PLXDC2: variants seen among roughly 807,000 people sequenced by gnomAD.
The protein encoded by PLXDC2 is plexin domain containing 2.
PLXDC2 carries 40 observed loss-of-function variants against 68.9 expected under a neutral mutation model. The observed-to-expected ratio is 0.58, with a 90% CI of 0.45 to 0.76. PLXDC2 has a LOEUF of 0.76. Ranked by LOEUF, PLXDC2 falls within the 30% of genes least tolerant of loss-of-function variation. The pLI, the probability that PLXDC2 is intolerant of heterozygous loss-of-function variation, is 0.00. For missense variants in PLXDC2, 644 were observed against 661.9 expected, an observed-to-expected ratio of 0.97 and a Z score of 0.30; for synonymous variants, 243 against 234.2, an observed-to-expected ratio of 1.04 and a Z score of -0.34.
intron 1 of PLXDC2, among the ~76,000 whole-genome samples, chr10:19,885,886 T>G (rs898646837): frequency 6.6e-6 from 1 of 152,074 alleles, no homozygotes; most frequent in Non-Finnish European, 1.5e-5. Flanking sequence ...TCCAATTCTG[T>G]GAAGAAAGTC....
chr10:19,880,832 A>G (rs1421578501), intron 1 of PLXDC2, among the ~76,000 whole-genome samples: 4 of 152,208 alleles, frequency 2.6e-5, no homozygotes, highest in Non-Finnish European at 5.9e-5. Flanking sequence ...CATTTAACAT[A>G]CTATAGGAAT....
chr10:19,902,843 G>C (rs1369405456), intron 1 of PLXDC2, among the ~76,000 whole-genome samples: 1 of 152,074 alleles, frequency 6.6e-6, no homozygotes, highest in African/African-American at 2.4e-5. Context: ...ATTCCCTTAA[G>C]GTATGTCCCT....
chr10:20,045,749 A>G (rs569300565), intron 2 of PLXDC2, among the ~76,000 whole-genome samples: 77 of 152,272 alleles, frequency 5.1e-4, no homozygotes, highest in African/African-American at 1.7e-3. Context: ...TACATCCCAA[A>G]CCTTATTATT....
At position 20,176,996 on chromosome 10, in the gene PLXDC2, TAGA is replaced by T. The variant is rs1425528755; in HGVS notation, c.884-2_884del. On this transcript the variant is annotated splice_acceptor_variant and coding_sequence_variant, in exon 8 of 14. Coordinates refer to ENST00000377252, the MANE Select transcript of PLXDC2 (RefSeq NM_032812.9). LOFTEE classifies it high-confidence loss of function. Reference sequence around the variant, plus strand: ...AATTGATTTTTTTTCCTTTTTTTTCTAGATGTTCGAAGAAGAACAATTTATGAA... The same window carrying T: ...AATTGATTTTTTTTCCTTTTTTTTCTTGTTCGAAGAAGAACAATTTATGAA... The T allele has an allele frequency of 6.3e-7, 1 of 1,583,816 alleles. No individual in the cohort carries two copies. Among genetic ancestry groups the T allele is most frequent in the Non-Finnish European group, 8.6e-7 (1 of 1,165,182 alleles).
chr10:20,059,622 A>G (rs1201309722), intron 3 of PLXDC2, among the ~76,000 whole-genome samples: 1 of 152,224 alleles, frequency 6.6e-6, no homozygotes, highest in African/African-American at 2.4e-5. Flanking sequence ...TTATTCTGAA[A>G]GAAGTAGCCA....
In PLXDC2 at chr10:20,143,449, T is replaced by C. The variant is rs1180771477; in HGVS notation, c.664+32T>C. On this transcript the variant is annotated intron_variant, in intron 5 of 13. Transcript: ENST00000377252. ...GTTGAGTAGCCTATTTTTTGCTGCATGTATATTTTTAAACCTCAAGCATCA... is the reference window on the plus strand; with the variant it reads ...GTTGAGTAGCCTATTTTTTGCTGCACGTATATTTTTAAACCTCAAGCATCA... 6 of 1,609,738 alleles carry C rather than the reference T, an allele frequency of 3.7e-6. No homozygotes were observed. In the South Asian group the frequency reaches 4.4e-5, roughly 12 times the overall value.
intron 1 of PLXDC2, among the ~76,000 whole-genome samples, chr10:19,882,423 G>C (rs969013833): frequency 6.6e-6 from 1 of 152,158 alleles, no homozygotes; most frequent in African/African-American, 2.4e-5. Flanking sequence ...CCGAGGAAAT[G>C]TTTAGGTTAA....
chr10:19,982,166 A>G (rs1271918953), intron 1 of PLXDC2, among the ~76,000 whole-genome samples: 4 of 152,200 alleles, frequency 2.6e-5, no homozygotes, highest in Non-Finnish European at 4.4e-5. Context: ...CTAAAACTGA[A>G]TTTTTGTAAA....
chr10:20,131,482 C>G (rs1233593116), intron 4 of PLXDC2, among the ~76,000 whole-genome samples: 1 of 152,128 alleles, frequency 6.6e-6, no homozygotes, highest in Non-Finnish European at 1.5e-5. Context: ...GCACTGCAAC[C>G]TCCGCCTCCT....
At chr10:19,963,977 A>G (rs1013818839) in intron 1 of PLXDC2, among the ~76,000 whole-genome samples, 1 of 152,184 alleles carries the variant, frequency 6.6e-6, no homozygotes, top group Non-Finnish European at 1.5e-5. Context: ...TAAAATGTGT[A>G]AGTGCAATAA....
chr10:20,091,102 C>T (rs946179681), intron 4 of PLXDC2, among the ~76,000 whole-genome samples: 34 of 152,120 alleles, frequency 2.2e-4, no homozygotes, highest in African/African-American at 8.2e-4. Flanking sequence ...ATATGTTCAG[C>T]CTAGAACTCT....
At chr10:20,177,839 A>G (rs572303955) in intron 9 of PLXDC2, among the ~76,000 whole-genome samples, 2 of 152,154 alleles carry the variant, frequency 1.3e-5, no homozygotes, top group Admixed American at 1.3e-4. Context: ...AAATATATAG[A>G]TATCATGATC....
At chr10:19,916,327 T>A (rs1168687723) in intron 1 of PLXDC2, among the ~76,000 whole-genome samples, 2 of 150,384 alleles carry the variant, frequency 1.3e-5, no homozygotes, top group African/African-American at 4.9e-5. Context: ...TGTATTTTTT[T>A]TAGTAGAGAT....
intron 2 of PLXDC2, among the ~76,000 whole-genome samples, chr10:20,014,576 C>T (rs1835178132): frequency 6.6e-6 from 1 of 151,842 alleles, no homozygotes; most frequent in Non-Finnish European, 1.5e-5. Flanking sequence ...CTTATTGGTC[C>T]ATAAGTAACT....
chr10:20,083,418 A>T (rs1402205236), intron 4 of PLXDC2, among the ~76,000 whole-genome samples: 1 of 149,170 alleles, frequency 6.7e-6, no homozygotes, highest in Non-Finnish European at 1.5e-5. Context: ...CGGAGCTTGC[A>T]GTGAGCCGAG....
chr10:19,853,798 G>A (rs1444005325), intron 1 of PLXDC2, among the ~76,000 whole-genome samples: 1 of 152,180 alleles, frequency 6.6e-6, no homozygotes, highest in Non-Finnish European at 1.5e-5. Flanking sequence ...CTGCCAGGTT[G>A]TTGGAAATGA....
At chr10:20,278,637 A>G (rs1836040195) in intron 13 of PLXDC2, among the ~76,000 whole-genome samples, 1 of 151,824 alleles carries the variant, frequency 6.6e-6, no homozygotes, top group African/African-American at 2.4e-5. Flanking sequence ...TTTACACAAT[A>G]TAGAGCTAAT....
intron 1 of PLXDC2, among the ~76,000 whole-genome samples, chr10:19,938,963 G>A (rs1022071685): frequency 1.3e-5 from 2 of 152,118 alleles, no homozygotes; most frequent in Non-Finnish European, 2.9e-5. Context: ...ATGAATGGAT[G>A]ACAAGGATAG....
chr10:20,134,622 C>G, intron 4 of PLXDC2, among the ~76,000 whole-genome samples: 1 of 152,132 alleles, frequency 6.6e-6, no homozygotes, highest in East Asian at 1.9e-4. Context: ...GAGTTTGGGC[C>G]TACATCTTGG....
Sources: allele counts gnomAD v4.1 joint callset (sites outside exome capture counted in the v4.1 genomes callset), GRCh38; gene constraint gnomAD v4.1.1; transcripts MANE v1.5; gene names NCBI Gene and HGNC (gene_info 2026-07-23, HGNC 2026-07-21).